HHIPL2: variants seen among roughly 807,000 people sequenced by gnomAD.
The protein encoded by HHIPL2 is HHIP-like protein 2.
HHIPL2 carries 61 observed loss-of-function variants against 61.0 expected under a neutral mutation model. The observed-to-expected ratio is 1.00, with a 90% confidence interval of 0.81 to 1.24. The LOEUF (loss-of-function observed/expected upper bound fraction) is 1.24. Ranked by LOEUF, HHIPL2 falls within the 50% of genes most tolerant of loss-of-function variation. The probability of loss-of-function intolerance (pLI) is 0.00; values close to 1 mark genes in which losing one functional copy is unlikely to be tolerated. For synonymous variants in HHIPL2, 343 were observed against 357.4 expected, an observed-to-expected ratio of 0.96 and a Z score of 0.45; for missense variants, 885 against 910.2, an observed-to-expected ratio of 0.97 and a Z score of 0.36.
intron 1 of HHIPL2, among the ~76,000 whole-genome samples, chr1:222,546,606 T>C (rs1005655938): frequency 2.6e-5 from 4 of 152,202 alleles, no homozygotes; most frequent in African/African-American, 9.7e-5. Context: ...ATAAACATTC[T>C]CAGTGCTGCT....
chr1:222,534,577 T>TAAAAA (rs67437927), intron 5 of HHIPL2, among the ~76,000 whole-genome samples: 7 of 72,648 alleles, frequency 9.6e-5, no homozygotes, highest in African/African-American at 3.3e-4. Context: ...ACTCCATCTC[T>TAAAAA]AAAAAAAAAA....
chr1:222,547,967 GCAGAGAATGC>G lies in HHIPL2; in HGVS notation c.68_77del (p.Gly23AlafsTer66), dbSNP rs760596284. 18 of 1,612,006 alleles carry G rather than the reference GCAGAGAATGC, an allele frequency of 1.1e-5. No individual in the cohort carries two copies. Among genetic ancestry groups the G allele is most frequent in the Non-Finnish European group, 1.5e-5 (18 of 1,178,542 alleles). On this transcript the variant is annotated frameshift_variant, in exon 1 of 9. Coordinates refer to ENST00000343410, the MANE Select transcript of HHIPL2 (RefSeq NM_024746.4). LOFTEE classifies it high-confidence loss of function. Reference sequence around the variant, plus strand: ...GGCCCAACAAGAATATGAGGCAGAGGCAGAGAATGCCAGAAGAGAGCCAGGGGGCCCGGCA... The same window carrying G: ...GGCCCAACAAGAATATGAGGCAGAGGCAGAAGAGAGCCAGGGGGCCCGGCA...
chr1:222,538,584 A>G, intron 5 of HHIPL2, 64 bp downstream of exon 5: 1 of 1,435,538 alleles, frequency 7.0e-7, no homozygotes. Flanking sequence ...CACCATATGT[A>G]AGTTATACCT....
In HHIPL2 at chr1:222,544,094, G is replaced by T; in HGVS notation, c.417C>A (p.Ala139=). The change falls in exon 2 of 9, where the codon GCC becomes GCA. Residue 139 remains alanine, a synonymous_variant. Transcript: ENST00000343410. ...TGGCTGAGTGACAGTTAGAATGGAA[G>T]GCAGAGCAGTAATCAGAGCAGAGGC... ...LPGLCSDYCS[A]FHSNCHSAIS... 1.2e-6 allele frequency: 2 copies of T among 1,614,184 alleles called. No homozygotes were observed. The highest frequency in any genetic ancestry group is 1.7e-6 in the Non-Finnish European group (2 of 1,180,046).
intron 6 of HHIPL2, among the ~76,000 whole-genome samples, chr1:222,527,974 A>T (rs745574734): frequency 1.1e-4 from 16 of 152,090 alleles, no homozygotes; most frequent in Non-Finnish European, 1.9e-4. Flanking sequence ...AGTCTCAGGT[A>T]TGTCTTTATC....
At chr1:222,541,970 C>T (rs965225984) in intron 3 of HHIPL2, 42 bp downstream of exon 3, 1 of 1,557,780 alleles carries the variant, frequency 6.4e-7, no homozygotes, top group Middle Eastern at 1.8e-4. Flanking sequence ...ACACCAGGGG[C>T]TCACTCTGAA....
intron 8 of HHIPL2, 82 bp from the exon 9 acceptor site, chr1:222,522,969 C>A (rs1381356247): frequency 1.8e-6 from 2 of 1,101,812 alleles, no homozygotes; most frequent in Non-Finnish European, 1.3e-6. Flanking sequence ...CATTATAGTT[C>A]TTTAATATAA....
intron 5 of HHIPL2, among the ~76,000 whole-genome samples, chr1:222,536,790 C>A (rs1362346157): frequency 6.6e-6 from 1 of 152,090 alleles, no homozygotes; most frequent in Non-Finnish European, 1.5e-5. Flanking sequence ...TGAGTCATGC[C>A]TGTAATCCTA....
chr1:222,543,801 T>C lies in HHIPL2; in HGVS notation c.710A>G (p.Gln237Arg), dbSNP rs1295805268. Reference protein sequence around the residue: ...DGTHRFFVAEQVGVVWVYLPD... With the variant: ...DGTHRFFVAERVGVVWVYLPD... Reference sequence around the variant, plus strand: ...GAGGTAGACCCACACCACTCCTACCTGCTCGGCAACAAAGAAGCGATGGGT... The same window carrying C: ...GAGGTAGACCCACACCACTCCTACCCGCTCGGCAACAAAGAAGCGATGGGT... Residue 237 changes from glutamine (Q) to arginine (R), a missense_variant, in exon 2 of 9, where the codon CAG (glutamine) becomes CGG (arginine). Coordinates refer to ENST00000343410, the MANE Select transcript of HHIPL2 (RefSeq NM_024746.4). 2 of 1,614,118 alleles carry C rather than the reference T, an allele frequency of 1.2e-6. No individual in the cohort carries two copies. The highest frequency in any genetic ancestry group is 1.7e-6 in the Non-Finnish European group (2 of 1,180,012).
chr1:222,539,558 GAAAAGAAAAA>G (rs1463685048), intron 4 of HHIPL2, among the ~76,000 whole-genome samples: 1 of 140,298 alleles, frequency 7.1e-6, no homozygotes, highest in Admixed American at 7.1e-5. Flanking sequence ...AAGAAAGAAA[GAAAAGAAAAA>G]AAAAGAAAAG....
rs942269216 is a variant in HHIPL2, at chr1:222,547,787, C to T, written c.258G>A (p.Met86Ile). 1.2e-6 allele frequency: 2 copies of T among 1,614,174 alleles called. No homozygotes were observed. Among genetic ancestry groups the T allele is most frequent in the East Asian group, 2.2e-5 (1 of 44,870 alleles). Residue 86 changes from methionine to isoleucine, a missense_variant, in exon 1 of 9, where the codon ATG becomes ATA. Met to Ile is a conservative substitution (Grantham distance 10). Transcript: ENST00000343410. ...RRIAARYWDIMEYFDLKRHEL... is the reference protein window; with the variant it reads ...RRIAARYWDIIEYFDLKRHEL... Reference sequence around the variant, plus strand: ...CATGTCTCTTCAGATCAAAATATTCCATGATGTCCCAGTACCGGGCAGCGA... The same window carrying T: ...CATGTCTCTTCAGATCAAAATATTCTATGATGTCCCAGTACCGGGCAGCGA...
Position 222,530,376 on chromosome 1 carries a change from C to T in HHIPL2, c.1723+1590G>A, listed in dbSNP as rs760856597. Among the ~76,000 whole-genome samples the T allele has an allele frequency of 5.1e-4, 78 of 152,138 alleles. 2 individuals carry two copies. Among genetic ancestry groups the T allele is most frequent in the Non-Finnish European group, 4.4e-4 (30 of 68,032 alleles). Reference sequence around the variant, plus strand: ...TCCGGCAGAGGAGAGGCTCCACCACCGCCTGCAGCTTTCACGTCACTCACT... The same window carrying T: ...TCCGGCAGAGGAGAGGCTCCACCACTGCCTGCAGCTTTCACGTCACTCACT... On this transcript the variant is annotated intron_variant, in intron 6 of 8. Transcript: ENST00000343410.
At chr1:222,544,688 A>G (rs991304860) in intron 1 of HHIPL2, among the ~76,000 whole-genome samples, 1 of 152,144 alleles carries the variant, frequency 6.6e-6, no homozygotes, top group Non-Finnish European at 1.5e-5. Context: ...TATGGATGCT[A>G]TATCTACCAA....
chr1:222,539,924 G>T, intron 4 of HHIPL2, 86 bp downstream of exon 4: 1 of 1,111,074 alleles, frequency 9.0e-7, no homozygotes, highest in Non-Finnish European at 1.3e-6. Context: ...TGACCTGCAG[G>T]GCAGGACATT....
At chr1:222,532,175 T>A in intron 5 of HHIPL2, 64 bp from the exon 6 acceptor site, 1 of 1,458,212 alleles carries the variant, frequency 6.9e-7, no homozygotes. Context: ...ATACTTTTTC[T>A]CCTAGAATCA....
chr1:222,525,935 G>T (rs150895228), intron 7 of HHIPL2, among the ~76,000 whole-genome samples: 1,726 of 152,160 alleles, frequency 0.011, 18 homozygotes, highest in Non-Finnish European at 0.017. Context: ...GGAGGCAGAG[G>T]TTGCAGTGAG....
chr1:222,528,670 C>A (rs1041952861), intron 6 of HHIPL2, among the ~76,000 whole-genome samples: 2 of 152,018 alleles, frequency 1.3e-5, no homozygotes, highest in Non-Finnish European at 2.9e-5. Flanking sequence ...TCTGTCTGAC[C>A]CAATGTTTGT....
chr1:222,530,921 T>TA (rs939244370), intron 6 of HHIPL2, among the ~76,000 whole-genome samples: 6 of 152,076 alleles, frequency 3.9e-5, no homozygotes, highest in African/African-American at 1.4e-4. Context: ...TGTCCTCACA[T>TA]AAAAAAAGAG....
rs188605077 is a variant in HHIPL2, at chr1:222,530,261, G to A, written c.1723+1705C>T. Among the ~76,000 whole-genome samples the A allele has an allele frequency of 2.5e-3, 381 of 152,236 alleles. 2 individuals carry two copies. Among genetic ancestry groups the A allele is most frequent in the African/African-American group, 8.7e-3 (361 of 41,544 alleles). On this transcript the variant is annotated intron_variant, in intron 6 of 8. Transcript: ENST00000343410. ...AGGTTCTCTGTGGCCTCCTGAAGAGGAGCAAGCCACAGAAGATGGCAGCCC... is the reference window on the plus strand; with the variant it reads ...AGGTTCTCTGTGGCCTCCTGAAGAGAAGCAAGCCACAGAAGATGGCAGCCC...
Sources: allele counts gnomAD v4.1 joint callset (sites outside exome capture counted in the v4.1 genomes callset), GRCh38; gene constraint gnomAD v4.1.1; transcripts MANE v1.5; gene names NCBI Gene and HGNC (gene_info 2026-07-23, HGNC 2026-07-21).